Variants in ALDH4A1 observed in about 807,000 individuals in gnomAD.
The protein encoded by ALDH4A1 is aldehyde dehydrogenase 4 family member A1.
In ALDH4A1, 46 loss-of-function variants were observed where a neutral mutation model predicts 70.5. The ratio of observed to expected loss-of-function variants is 0.65; its 90% confidence interval spans 0.51 to 0.83. The LOEUF is 0.83. ALDH4A1 is among the 40% of genes least tolerant of loss of function. The pLI is 0.00. For missense variants in ALDH4A1, 749 were observed against 766.5 expected (o/e 0.98, Z 0.27); for synonymous variants, 323 against 324.3 (o/e 1.00, Z 0.04).
chr1:18,873,411 A>G (rs1934530706), intron 14 of ALDH4A1, among the ~76,000 whole-genome samples: 2 of 151,190 alleles, frequency 1.3e-5, no homozygotes, highest in South Asian at 4.1e-4. Flanking sequence ...CTAATCACAC[A>G]TGAGTTTATG....
intron 1 of ALDH4A1, among the ~76,000 whole-genome samples, chr1:18,894,342 A>T (rs1237560907): frequency 2.0e-5 from 3 of 152,172 alleles, no homozygotes; most frequent in Non-Finnish European, 4.4e-5. Flanking sequence ...GGAGTTCGAG[A>T]CCAGCCTGGC....
At position 18,898,782 on chromosome 1, in the gene ALDH4A1, G is replaced by A. The variant is rs533265515; in HGVS notation, c.62+3680C>T. On this transcript the variant is annotated intron_variant, in intron 1 of 14. Transcript: ENST00000375341. This position sits in a 1 kb window ranked among gnomAD's most constrained non-coding sequence, Gnocchi z 4.3. Reference sequence around the variant, plus strand: ...ACCATCTCAACAGCAACCGTTCAACGCCTACTGTGTGCCGGGCCAGATGCA... The same window carrying A: ...ACCATCTCAACAGCAACCGTTCAACACCTACTGTGTGCCGGGCCAGATGCA... 2.0e-5 allele frequency among the ~76,000 whole-genome samples: 3 copies of A among 152,210 alleles called. No homozygotes were observed. Among genetic ancestry groups the A allele is most frequent in the East Asian group, 1.9e-4 (1 of 5,200 alleles).
At chr1:18,879,235 T>C (rs567357521) in intron 9 of ALDH4A1, 65 bp downstream of exon 9, 171 of 1,489,650 alleles carry the variant, frequency 1.1e-4, no homozygotes, top group Non-Finnish European at 1.5e-4. Flanking sequence ...CTCCCTCCTC[T>C]TTCATAATGG....
intron 1 of ALDH4A1, among the ~76,000 whole-genome samples, chr1:18,896,094 C>T (rs1229522577): frequency 6.6e-6 from 1 of 152,084 alleles, no homozygotes. Context: ...CTCACATAGC[C>T]GGAATGGGGC....
rs757878091 is a variant in ALDH4A1 at position 18,881,734 on chromosome 1, G to A, written c.832C>T (p.His278Tyr). ...LFGDTVTSSE[H>Y]LCGINFTGSV... ...CCTGTGAAGTTGATGCCACAGAGGTGCTCTGAGCTGGTGACAGTGTCCCCA... is the reference window on the plus strand; with the variant it reads ...CCTGTGAAGTTGATGCCACAGAGGTACTCTGAGCTGGTGACAGTGTCCCCA... The change falls in exon 8 of 15, where the codon CAC (histidine) becomes TAC (tyrosine). Residue 278 changes from histidine (H) to tyrosine (Y), a missense_variant. Transcript: ENST00000375341. 3 of 1,613,974 alleles carry A rather than the reference G, an allele frequency of 1.9e-6. No homozygotes were observed. In the African/African-American group the frequency reaches 4.0e-5, roughly 22 times the overall value.
At chr1:18,878,531 T>C (rs2100563140) in intron 9 of ALDH4A1, among the ~76,000 whole-genome samples, 1 of 152,206 alleles carries the variant, frequency 6.6e-6, no homozygotes. Context: ...CCAGCTCTGC[T>C]GGTCACGTGC....
At chr1:18,894,424 A>T (rs1281974370) in intron 1 of ALDH4A1, among the ~76,000 whole-genome samples, 1 of 152,178 alleles carries the variant, frequency 6.6e-6, no homozygotes, top group African/African-American at 2.4e-5. Flanking sequence ...GCGCCTATAC[A>T]CCCAGCTACT....
chr1:18,873,675 C>T (rs775841779), intron 14 of ALDH4A1, among the ~76,000 whole-genome samples: 3 of 152,300 alleles, frequency 2.0e-5, no homozygotes, highest in Non-Finnish European at 4.4e-5. Flanking sequence ...TCCAGGGGGA[C>T]GGCGGTGCCC....
At chr1:18,887,712 T>A (rs1935273699) in intron 3 of ALDH4A1, among the ~76,000 whole-genome samples, 1 of 152,010 alleles carries the variant, frequency 6.6e-6, no homozygotes. Context: ...ATCTTATCAA[T>A]ATCCTGCCAG....
At chr1:18,881,570 C>T in intron 8 of ALDH4A1, 130 bp downstream of exon 8, 1 of 978,122 alleles carries the variant, frequency 1.0e-6, no homozygotes. Context: ...TCACTCATAG[C>T]CACACAGCAA....
chr1:18,902,409 C>T (rs1935831087), intron 1 of ALDH4A1, 53 bp downstream of exon 1: 1 of 1,289,186 alleles, frequency 7.8e-7, no homozygotes, highest in South Asian at 2.0e-5. Flanking sequence ...GACTCTCAGG[C>T]TCCCGGGCCC....
At chr1:18,872,987 G>C in intron 14 of ALDH4A1, 30 bp from the exon 15 acceptor site, 1 of 1,578,758 alleles carries the variant, frequency 6.3e-7, no homozygotes, top group Non-Finnish European at 8.7e-7. Flanking sequence ...GTTTTTCTCT[G>C]AAAAGATGCA....
intron 6 of ALDH4A1, 30 bp from the exon 7 acceptor site, chr1:18,883,228 C>A (rs771577645): frequency 1.2e-6 from 2 of 1,613,134 alleles, no homozygotes; most frequent in South Asian, 1.1e-5. Flanking sequence ...TGAGATCAGG[C>A]CCATGGCATT....
Position 18,877,272 on chromosome 1 carries a change from C to A in ALDH4A1, c.1138-17G>T, listed in dbSNP as rs1173106419. The A allele has an allele frequency of 6.2e-7, 1 of 1,600,044 alleles. No homozygotes were observed. Among genetic ancestry groups the A allele is most frequent in the Non-Finnish European group, 8.5e-7 (1 of 1,172,864 alleles). On this transcript the variant is annotated splice_polypyrimidine_tract_variant and intron_variant, in intron 10 of 14. Coordinates refer to ENST00000375341, the MANE Select transcript of ALDH4A1 (RefSeq NM_003748.4). Reference sequence around the variant, plus strand: ...CTCTGCAGGCTGGAGGCAAGGGAGGCGCCAGAAGAGACGAGTCACTGCAGG... The same window carrying A: ...CTCTGCAGGCTGGAGGCAAGGGAGGAGCCAGAAGAGACGAGTCACTGCAGG...
In ALDH4A1 at chr1:18,877,533, G is replaced by C. The variant is rs1934763721; in HGVS notation, c.1020C>G (p.Ala340=). The part of the protein sequence containing the change: ...ESVVSGTLRS[A]FEYGGQKCSA... Reference sequence around the variant, plus strand: ...AACACTTCTGGCCACCGTACTCGAAGGCTGAGCGGAGGGTCCCGCTCACCA... The same window carrying C: ...AACACTTCTGGCCACCGTACTCGAACGCTGAGCGGAGGGTCCCGCTCACCA... Residue 340 remains alanine (A), a synonymous_variant, in exon 10 of 15, where the codon GCC becomes GCG. Transcript: ENST00000375341. 6.2e-7 allele frequency: 1 copy of C among 1,612,062 alleles called. No homozygotes were observed. The highest frequency in any genetic ancestry group is 1.7e-5 in the Admixed American group (1 of 59,934).
intron 12 of ALDH4A1, 75 bp downstream of exon 12, chr1:18,876,240 C>T (rs1934673727): frequency 6.4e-7 from 1 of 1,564,732 alleles, no homozygotes; most frequent in Non-Finnish European, 8.7e-7. Context: ...GAGAATGTCT[C>T]CAGGAGAACT....
At chr1:18,885,778 T>C in intron 4 of ALDH4A1, 150 bp from the exon 5 acceptor site, 1 of 1,187,482 alleles carries the variant, frequency 8.4e-7, no homozygotes, top group Non-Finnish European at 1.2e-6. Context: ...CCACCATAGC[T>C]GCCAACAACA....
intron 11 of ALDH4A1, 139 bp from the exon 12 acceptor site, chr1:18,876,606 G>C: frequency 2.1e-6 from 2 of 967,584 alleles, no homozygotes; most frequent in Non-Finnish European, 3.0e-6. Flanking sequence ...GGGACGCCAA[G>C]GGCAAAAGCC....
At chr1:18,896,917 C>G (rs899373127) in intron 1 of ALDH4A1, among the ~76,000 whole-genome samples, 2 of 151,574 alleles carry the variant, frequency 1.3e-5, no homozygotes, top group Non-Finnish European at 2.9e-5. Context: ...GAAAGAAAGA[C>G]CCAATGCCAG....
Sources: allele counts gnomAD v4.1 joint callset (sites outside exome capture counted in the v4.1 genomes callset), GRCh38; gene constraint gnomAD v4.1.1; non-coding constraint Gnocchi (gnomAD v3.1); transcripts MANE v1.5; gene names NCBI Gene and HGNC (gene_info 2026-07-23, HGNC 2026-07-21).